CBFB: variants seen among roughly 807,000 people sequenced by gnomAD.
CBFB encodes the protein CBF-beta.
A neutral mutation model predicts 30.4 loss-of-function variants in CBFB; 9 were observed. The observed-to-expected ratio is 0.30, with a 90% CI of 0.18 to 0.52. The LOEUF is 0.52. Ranked by LOEUF, CBFB falls within the 20% of genes least tolerant of loss-of-function variation. CBFB has a pLI of 0.97. For missense variants in CBFB, 170 were observed against 244.0 expected, an observed-to-expected ratio of 0.70 and a Z score of 2.02; for synonymous variants, 94 against 84.0, an observed-to-expected ratio of 1.12 and a Z score of -0.65.
chr16:67,059,331 G>A (rs1462680324), intron 3 of CBFB, among the ~76,000 whole-genome samples: 3 of 152,154 alleles, frequency 2.0e-5, no homozygotes, highest in African/African-American at 4.8e-5. Context: ...TTTGCTAAAA[G>A]AAGAACATTT....
At chr16:67,073,966 T>A (rs1961312273) in intron 4 of CBFB, among the ~76,000 whole-genome samples, 1 of 151,480 alleles carries the variant, frequency 6.6e-6, no homozygotes, top group South Asian at 2.1e-4. Context: ...GAGGCGGAGC[T>A]TGCAGTGAGC....
chr16:67,074,476 G>C (rs1006925556), intron 4 of CBFB, among the ~76,000 whole-genome samples: 1 of 150,552 alleles, frequency 6.6e-6, no homozygotes, highest in Non-Finnish European at 1.5e-5. Context: ...TCTGCCTCCC[G>C]GGTTCAAGTG....
intron 5 of CBFB, among the ~76,000 whole-genome samples, chr16:67,092,866 C>T (rs1249323606): frequency 1.3e-5 from 2 of 151,736 alleles, no homozygotes; most frequent in African/African-American, 2.4e-5. Flanking sequence ...GTATGCACCA[C>T]CATGCCTGAG....
intron 3 of CBFB, among the ~76,000 whole-genome samples, chr16:67,060,619 G>A (rs998135164): frequency 2.6e-5 from 4 of 152,062 alleles, no homozygotes; most frequent in Non-Finnish European, 4.4e-5. Flanking sequence ...GCAATGGCGC[G>A]ATCTTGGCTC....
At chr16:67,046,249 G>T (rs1966625496) in intron 3 of CBFB, among the ~76,000 whole-genome samples, 1 of 151,916 alleles carries the variant, frequency 6.6e-6, no homozygotes, top group Non-Finnish European at 1.5e-5. Context: ...TGGAACCACA[G>T]GCACGCGCCA....
intron 3 of CBFB, among the ~76,000 whole-genome samples, chr16:67,049,265 G>A (rs1278651506): frequency 1.3e-5 from 2 of 151,526 alleles, no homozygotes; most frequent in African/African-American, 4.9e-5. Flanking sequence ...GTGCAGTGGC[G>A]CAATCTCGGC....
intron 3 of CBFB, among the ~76,000 whole-genome samples, chr16:67,062,795 AAAT>A (rs1960947881): frequency 2.0e-5 from 3 of 152,134 alleles, no homozygotes; most frequent in Non-Finnish European, 2.9e-5. Context: ...TCTGTCTCAA[AAAT>A]AATAATAATT....
At chr16:67,085,162 C>G (rs1216895074) in intron 5 of CBFB, among the ~76,000 whole-genome samples, 1 of 150,136 alleles carries the variant, frequency 6.7e-6, no homozygotes. Context: ...GTGTGTGTGT[C>G]TCTGTGTGTG....
At chr16:67,036,074 A>G (rs909505686) in intron 2 of CBFB, among the ~76,000 whole-genome samples, 1 of 152,312 alleles carries the variant, frequency 6.6e-6, no homozygotes, top group Admixed American at 6.5e-5. Context: ...GTGAGAAAAG[A>G]CATATTTTTA....
At chr16:67,035,044 T>C (rs1300716310) in intron 2 of CBFB, among the ~76,000 whole-genome samples, 1 of 152,092 alleles carries the variant, frequency 6.6e-6, no homozygotes, top group East Asian at 1.9e-4. Flanking sequence ...GGGGGGTTTT[T>C]TGTTAAGATT....
intron 2 of CBFB, among the ~76,000 whole-genome samples, chr16:67,032,280 G>A (rs994570808): frequency 1.3e-5 from 2 of 152,034 alleles, no homozygotes; most frequent in African/African-American, 4.8e-5. Flanking sequence ...AGCCATGATC[G>A]TACCACTGCA....
intron 5 of CBFB, among the ~76,000 whole-genome samples, chr16:67,096,335 G>C (rs1289528756): frequency 6.6e-6 from 1 of 151,818 alleles, no homozygotes; most frequent in East Asian, 1.9e-4. Context: ...ATAATAATTA[G>C]TTAATTCATG....
intron 3 of CBFB, among the ~76,000 whole-genome samples, chr16:67,045,778 C>G (rs1017188629): frequency 6.6e-6 from 1 of 151,026 alleles, no homozygotes; most frequent in Non-Finnish European, 1.5e-5. Flanking sequence ...TCTTCCCCTC[C>G]TTCCTTCTAC....
chr16:67,072,620 C>T (rs1961258782), intron 4 of CBFB, among the ~76,000 whole-genome samples: 1 of 152,096 alleles, frequency 6.6e-6, no homozygotes, highest in African/African-American at 2.4e-5. Flanking sequence ...GCATGTGCCA[C>T]CATGCCCGGC....
At chr16:67,081,619 T>G (rs1332686276) in intron 4 of CBFB, among the ~76,000 whole-genome samples, 4 of 151,640 alleles carry the variant, frequency 2.6e-5, no homozygotes, top group African/African-American at 9.7e-5. Flanking sequence ...CTGGTCAACA[T>G]AGCAAGACCC....
intron 3 of CBFB, among the ~76,000 whole-genome samples, chr16:67,043,243 CACTT>C (rs1266752353): frequency 6.6e-6 from 1 of 152,152 alleles, no homozygotes; most frequent in Non-Finnish European, 1.5e-5. Flanking sequence ...CAATAATACT[CACTT>C]AAATTTAGCG....
intron 4 of CBFB, among the ~76,000 whole-genome samples, chr16:67,079,532 T>C (rs1411870234): frequency 2.7e-5 from 4 of 150,710 alleles, no homozygotes; most frequent in African/African-American, 9.8e-5. Context: ...TTTTTTTTTT[T>C]TTTTTTGACC....
At chr16:67,044,005 A>G (rs1480335364) in intron 3 of CBFB, among the ~76,000 whole-genome samples, 2 of 152,236 alleles carry the variant, frequency 1.3e-5, no homozygotes, top group Non-Finnish European at 2.9e-5. Flanking sequence ...ATCAGAATTT[A>G]AATCATTCTT....
intron 4 of CBFB, 77 bp downstream of exon 4, chr16:67,066,875 C>T (rs909795004): frequency 1.0e-5 from 8 of 775,004 alleles, no homozygotes; most frequent in African/African-American, 1.7e-5. Context: ...CCTATTTTAC[C>T]CAATTTTTAA....
Sources: allele counts gnomAD v4.1 joint callset (sites outside exome capture counted in the v4.1 genomes callset), GRCh38; gene constraint gnomAD v4.1.1; transcripts MANE v1.5; gene names NCBI Gene and HGNC (gene_info 2026-07-23, HGNC 2026-07-21).